Variants in PNPLA8 observed in about 807,000 individuals in gnomAD.
PNPLA8 encodes the protein patatin like domain 8, phospholipase A2.
In PNPLA8, 39 loss-of-function variants were observed where a neutral mutation model predicts 76.9. The ratio of observed to expected loss-of-function variants is 0.51; its 90% CI spans 0.39 to 0.66. The LOEUF (loss-of-function observed/expected upper bound fraction) is 0.66, where lower values mean the gene tolerates loss of function less well. PNPLA8 is among the 30% of genes least tolerant of loss of function. The probability of loss-of-function intolerance (pLI) is 0.00; values close to 1 mark genes in which losing one functional copy is unlikely to be tolerated. For synonymous variants in PNPLA8, 301 were observed against 307.9 expected (o/e 0.98, Z 0.24); for missense variants, 887 against 918.0 (o/e 0.97, Z 0.44).
chr7:108,474,956 G>A (rs1221358204), intron 10 of PNPLA8, among the ~76,000 whole-genome samples: 2 of 152,132 alleles, frequency 1.3e-5, no homozygotes, highest in Non-Finnish European at 2.9e-5. Flanking sequence ...GTGAGTGGCA[G>A]GGCCAGTAAG....
In PNPLA8 at chr7:108,514,277, C is replaced by T. The variant is rs1391071580; in HGVS notation, c.1073G>A (p.Ser358Asn). 6.2e-7 allele frequency: 1 copy of T among 1,611,446 alleles called. No individual in the cohort carries two copies. Among genetic ancestry groups the T allele is most frequent in the Non-Finnish European group, 8.5e-7 (1 of 1,178,060 alleles). Residue 358 changes from serine (S) to asparagine (N), a missense_variant, in exon 4 of 11, where the codon AGT becomes AAT. Ser to Asn is a conservative substitution (Grantham distance 46, BLOSUM62 1). Coordinates refer to ENST00000257694, the MANE Select transcript of PNPLA8 (RefSeq NM_001256007.3). Reference protein sequence around the residue: ...LQREKIIARVSIDNRTRALVQ... With the variant: ...LQREKIIARVNIDNRTRALVQ... ...TAATGCCCGGGTCCTGTTATCAATA[C>T]TCACCCTTGCGATAATCTACAAAGA...
At chr7:108,474,277 T>C (rs932168089) in intron 10 of PNPLA8, among the ~76,000 whole-genome samples, 1 of 152,188 alleles carries the variant, frequency 6.6e-6, no homozygotes, top group African/African-American at 2.4e-5. Context: ...TTCTTCTATA[T>C]GTTTTATAGT....
Position 108,526,082 on chromosome 7 carries a change from C to G in PNPLA8, c.-183G>C, listed in dbSNP as rs1369654503. The G allele has an allele frequency of 1.0e-6, 1 of 985,618 alleles. No individual in the cohort carries two copies. Among genetic ancestry groups the G allele is most frequent in the African/African-American group, 1.7e-5 (1 of 57,248 alleles). The allele number at this position is 985,618 out of a possible 1,614,324, so 61.1% of individuals were successfully genotyped here. On this transcript the variant is annotated 5_prime_UTR_variant, in exon 1 of 11. Transcript: ENST00000257694. ...GCAGCGGCGACTCGCTCGTTCCCGG[C>G]AATGACGTCCACTCCAACCGGCCTG...
chr7:108,523,356 G>C (rs1863874314), intron 1 of PNPLA8, among the ~76,000 whole-genome samples: 1 of 152,148 alleles, frequency 6.6e-6, no homozygotes, highest in Admixed American at 6.5e-5. Context: ...CATCCAGAGG[G>C]AAAGCTCCTT....
At chr7:108,488,346 A>G (rs2074752) in intron 8 of PNPLA8, among the ~76,000 whole-genome samples, 111,083 of 152,200 alleles carry the variant, frequency 0.73, 41,024 homozygotes, top group African/African-American at 0.83. Flanking sequence ...TTGGGAGGCC[A>G]AGGAGGGTGG....
At chr7:108,486,509 G>C (rs113606247) in intron 9 of PNPLA8, among the ~76,000 whole-genome samples, 290 of 152,142 alleles carry the variant, frequency 1.9e-3, no homozygotes, top group African/African-American at 6.2e-3. Flanking sequence ...GCAAGAAGGG[G>C]AAGTGCCTTA....
At chr7:108,519,262 T>C (rs532962000) in intron 2 of PNPLA8, among the ~76,000 whole-genome samples, 12 of 152,160 alleles carry the variant, frequency 7.9e-5, no homozygotes, top group African/African-American at 2.6e-4. Context: ...TAGCTGGGCA[T>C]GGTGGCACAT....
chr7:108,502,696 G>A, intron 4 of PNPLA8, 54 bp from the exon 5 acceptor site: 10 of 1,349,078 alleles, frequency 7.4e-6, no homozygotes, highest in East Asian at 4.7e-5. Context: ...GACTGAAAAT[G>A]TATGATTATT....
At chr7:108,495,198 T>C (rs1174456175) in intron 7 of PNPLA8, among the ~76,000 whole-genome samples, 1 of 152,198 alleles carries the variant, frequency 6.6e-6, no homozygotes, top group African/African-American at 2.4e-5. Flanking sequence ...TGGCCCACAA[T>C]TTTACTTCTA....
intron 4 of PNPLA8, among the ~76,000 whole-genome samples, chr7:108,511,304 C>A (rs1598952299): frequency 6.6e-6 from 1 of 152,136 alleles, no homozygotes; most frequent in African/African-American, 2.4e-5. Flanking sequence ...GCTTCTAGCA[C>A]AATTGTCCAA....
At chr7:108,487,340 G>T (rs2154515151) in intron 9 of PNPLA8, among the ~76,000 whole-genome samples, 1 of 152,266 alleles carries the variant, frequency 6.6e-6, no homozygotes, top group East Asian at 1.9e-4. Context: ...CTGGCACACA[G>T]CTAACTTAAT....
At chr7:108,527,641 G>A (rs1864139491), upstream of PNPLA8, 1 of 152,202 alleles carries the variant, frequency 6.6e-6, no homozygotes, top group Non-Finnish European at 1.5e-5. Context: ...CAAGCAGACT[G>A]AGGGGTCAGT....
chr7:108,497,088 TAA>T (rs565208607), intron 6 of PNPLA8, among the ~76,000 whole-genome samples: 48 of 152,210 alleles, frequency 3.2e-4, no homozygotes, highest in Non-Finnish European at 5.1e-4. Flanking sequence ...AAATTATATA[TAA>T]GATACTATGG....
At chr7:108,493,553 C>T (rs1335412064) in intron 7 of PNPLA8, among the ~76,000 whole-genome samples, 3 of 149,706 alleles carry the variant, frequency 2.0e-5, no homozygotes, top group Non-Finnish European at 3.0e-5. Flanking sequence ...TACAGGCGCC[C>T]GCCCCCATGC....
At chr7:108,474,925 C>T (rs1360168503) in intron 10 of PNPLA8, among the ~76,000 whole-genome samples, 1 of 152,134 alleles carries the variant, frequency 6.6e-6, no homozygotes, top group Non-Finnish European at 1.5e-5. Flanking sequence ...GGTCCCCAAC[C>T]CATGGGCTGC....
At chr7:108,513,405 A>G (rs543268188) in intron 4 of PNPLA8, among the ~76,000 whole-genome samples, 41 of 152,232 alleles carry the variant, frequency 2.7e-4, no homozygotes, top group African/African-American at 9.9e-4. Context: ...CAACAAGGTA[A>G]TTGTTAAAAA....
intron 5 of PNPLA8, among the ~76,000 whole-genome samples, chr7:108,501,416 G>A (rs533571306): frequency 5.8e-4 from 88 of 152,318 alleles, no homozygotes; most frequent in Non-Finnish European, 8.2e-4. Flanking sequence ...TATGGCACCA[G>A]AACTGGCATC....
In PNPLA8 at chr7:108,514,223, G is replaced by A. The variant is rs1329369310; in HGVS notation, c.1127C>T (p.Pro376Leu). The change falls in exon 4 of 11, where the codon CCA becomes CTA. Residue 376 changes from proline (P) to leucine (L), a missense_variant. Physicochemically the swap from Pro to Leu is moderately conservative, Grantham distance 98. Coordinates refer to ENST00000257694, the MANE Select transcript of PNPLA8 (RefSeq NM_001256007.3). ...LVQALRRTTD[P>L]KLCITRVEEL... Reference sequence around the variant, plus strand: ...TTCAACCCTAGTAATGCAGAGCTTTGGGTCAGTTGTTCTTCTTAATGCCTG... The same window carrying A: ...TTCAACCCTAGTAATGCAGAGCTTTAGGTCAGTTGTTCTTCTTAATGCCTG... 1 of 1,608,944 alleles carries A rather than the reference G, an allele frequency of 6.2e-7. No individual in the cohort carries two copies. Among genetic ancestry groups the A allele is most frequent in the East Asian group, 2.2e-5 (1 of 44,848 alleles).
In PNPLA8 at chr7:108,510,556, G is replaced by A. The variant is rs750973185; in HGVS notation, c.1206+3588C>T. ...TGAGCCCAAAGGTCCGAAAGGTGTT[G>A]CAGCTTCTTCGCCTTCGTCAAATCT... On this transcript the variant is annotated intron_variant, in intron 4 of 10. Coordinates refer to ENST00000257694, the MANE Select transcript of PNPLA8 (RefSeq NM_001256007.3). 6 of 1,424,404 alleles carry A rather than the reference G, an allele frequency of 4.2e-6. No individual in the cohort carries two copies. The South Asian group carries it at 5.7e-5, about 14-fold the overall frequency. The allele number at this position is 1,424,404 out of a possible 1,614,324, so 88.2% of individuals were successfully genotyped here.
Sources: gnomAD v4.1 joint callset for allele counts (sites outside exome capture counted in the v4.1 genomes callset) on GRCh38, gnomAD v4.1.1 for gene constraint, MANE v1.5 for transcripts, NCBI Gene and HGNC (gene_info 2026-07-23, HGNC 2026-07-21) for gene names.